ATXN7L1: variants seen among roughly 807,000 people sequenced by gnomAD.
ATXN7L1 encodes the protein ataxin 7 like 1.
In ATXN7L1, 15 loss-of-function variants were observed where a neutral mutation model predicts 70.8. The observed-to-expected ratio is 0.21, with a 90% CI of 0.14 to 0.33. The LOEUF is 0.33. Among genes scored for constraint, ATXN7L1 ranks in the 10% least tolerant of loss-of-function variants. The pLI is 1.00. For synonymous variants in ATXN7L1, 440 were observed against 445.1 expected, an observed-to-expected ratio of 0.99 and a Z score of 0.14; for missense variants, 975 against 1,097.1, an observed-to-expected ratio of 0.89 and a Z score of 1.57.
At chr7:105,615,659 A>G (rs1011972517) in intron 9 of ATXN7L1, among the ~76,000 whole-genome samples, 2 of 152,194 alleles carry the variant, frequency 1.3e-5, no homozygotes, top group African/African-American at 2.4e-5. Flanking sequence ...CGTGTTAGGA[A>G]ATGGTGAGTG....
intron 4 of ATXN7L1, chr7:105,649,592 G>A (rs1217396035): frequency 5.1e-6 from 5 of 987,674 alleles, no homozygotes; most frequent in East Asian, 1.1e-4. Context: ...GACTCATGAC[G>A]GTGCCATTGC....
At chr7:105,609,891 C>A (rs1792999569) in intron 11 of ATXN7L1, among the ~76,000 whole-genome samples, 2 of 141,528 alleles carry the variant, frequency 1.4e-5, no homozygotes, top group South Asian at 4.6e-4. Context: ...CCTGCCTCAG[C>A]CTCCCGAGTA....
intron 2 of ATXN7L1, among the ~76,000 whole-genome samples, chr7:105,799,887 G>T (rs961427373): frequency 2.6e-5 from 4 of 152,164 alleles, no homozygotes; most frequent in African/African-American, 9.7e-5. Flanking sequence ...CTTATAAAGG[G>T]AACCAGAACC....
chr7:105,628,089 C>T (rs771078688), intron 7 of ATXN7L1, among the ~76,000 whole-genome samples: 21 of 151,276 alleles, frequency 1.4e-4, no homozygotes, highest in African/African-American at 4.4e-4. Flanking sequence ...GTGATCCACC[C>T]GTCTCGGCCT....
At chr7:105,873,211 C>T (rs1025110725) in intron 2 of ATXN7L1, among the ~76,000 whole-genome samples, 9 of 152,198 alleles carry the variant, frequency 5.9e-5, no homozygotes, top group African/African-American at 2.2e-4. Context: ...AAATCGGAAC[C>T]ACTTCCCTTC....
intron 2 of ATXN7L1, among the ~76,000 whole-genome samples, chr7:105,843,332 G>A (rs1405381116): frequency 6.6e-6 from 1 of 152,196 alleles, no homozygotes; most frequent in East Asian, 1.9e-4. Context: ...CTTGAAGGTG[G>A]GATTAGCAAG....
chr7:105,677,312 ATAACT>A (rs1188587818), intron 3 of ATXN7L1, among the ~76,000 whole-genome samples: 2 of 152,236 alleles, frequency 1.3e-5, no homozygotes, highest in Non-Finnish European at 1.5e-5. Flanking sequence ...ACTTGGGGAA[ATAACT>A]TAACCCCCTG....
intron 7 of ATXN7L1, among the ~76,000 whole-genome samples, chr7:105,635,129 T>A (rs565226596): frequency 6.6e-5 from 10 of 152,350 alleles, no homozygotes; most frequent in African/African-American, 2.4e-4. Flanking sequence ...TAAGCATCTA[T>A]GAGACAGAGG....
At chr7:105,769,011 A>G (rs1264584005) in intron 3 of ATXN7L1, among the ~76,000 whole-genome samples, 1 of 152,196 alleles carries the variant, frequency 6.6e-6, no homozygotes, top group Non-Finnish European at 1.5e-5. Context: ...GGGAGTCAGG[A>G]ATCCTGACTT....
intron 2 of ATXN7L1, among the ~76,000 whole-genome samples, chr7:105,805,906 G>C (rs1807512536): frequency 6.6e-6 from 1 of 152,178 alleles, no homozygotes. Flanking sequence ...GTTTTACCAT[G>C]TGCTCATGAG....
At chr7:105,777,642 C>T (rs1434522990) in intron 3 of ATXN7L1, among the ~76,000 whole-genome samples, 5 of 152,338 alleles carry the variant, frequency 3.3e-5, no homozygotes, top group African/African-American at 1.2e-4. Context: ...TCGAGTTTAT[C>T]CTTTTCTCTC....
intron 9 of ATXN7L1, 48 bp downstream of exon 9, chr7:105,620,152 A>ACTT: frequency 6.5e-7 from 1 of 1,544,048 alleles, no homozygotes; most frequent in Non-Finnish European, 8.8e-7. Flanking sequence ...GTTTCAGGTA[A>ACTT]CTGTGGGGCA....
At chr7:105,686,623 A>G (rs1584725630) in intron 3 of ATXN7L1, among the ~76,000 whole-genome samples, 2 of 152,266 alleles carry the variant, frequency 1.3e-5, no homozygotes, top group East Asian at 3.8e-4. Context: ...CATAACCTAC[A>G]GTCGGGCAGA....
intron 3 of ATXN7L1, among the ~76,000 whole-genome samples, chr7:105,725,804 C>T (rs964166142): frequency 1.3e-5 from 2 of 151,914 alleles, no homozygotes; most frequent in African/African-American, 4.8e-5. Context: ...TGGTCTCGAA[C>T]TCCCGACCTC....
intron 9 of ATXN7L1, among the ~76,000 whole-genome samples, chr7:105,619,140 G>GTTTTTTTTGTTTTTTTTT (rs1794388200): frequency 2.0e-5 from 1 of 49,846 alleles, no homozygotes; most frequent in Non-Finnish European, 3.3e-5. Flanking sequence ...GAAATCTTTA[G>GTTTTTTTTGTTTTTTTTT]TTTTTTTTTT....
chr7:105,808,521 T>G (rs1807939194), intron 2 of ATXN7L1, among the ~76,000 whole-genome samples: 1 of 152,170 alleles, frequency 6.6e-6, no homozygotes, highest in Non-Finnish European at 1.5e-5. Context: ...GGTGAACTAT[T>G]ATGGGAAGGA....
chr7:105,729,913 A>AT (rs1410202689), intron 3 of ATXN7L1, among the ~76,000 whole-genome samples: 4 of 151,428 alleles, frequency 2.6e-5, no homozygotes, highest in Non-Finnish European at 4.4e-5. Context: ...AATTTTTTGT[A>AT]TTTTTAGTAG....
At chr7:105,785,666 C>T (rs540176186) in intron 3 of ATXN7L1, among the ~76,000 whole-genome samples, 113 of 152,254 alleles carry the variant, frequency 7.4e-4, no homozygotes, top group African/African-American at 1.6e-3. Context: ...AAATCCTACC[C>T]GCAATGTGAT....
intron 8 of ATXN7L1, among the ~76,000 whole-genome samples, chr7:105,620,935 G>A (rs1414119054): frequency 6.6e-6 from 1 of 151,608 alleles, no homozygotes; most frequent in African/African-American, 2.4e-5. Flanking sequence ...CACCCAGGGT[G>A]ACTTTTCAGG....
Sources: allele counts gnomAD v4.1 joint callset (sites outside exome capture counted in the v4.1 genomes callset), GRCh38; gene constraint gnomAD v4.1.1; transcripts MANE v1.5; gene names NCBI Gene and HGNC (gene_info 2026-07-23, HGNC 2026-07-21).